RSBN1: variants seen among roughly 807,000 people sequenced by gnomAD.
The protein encoded by RSBN1 is lysine-specific demethylase 9.
In RSBN1, 23 loss-of-function variants were observed where a neutral mutation model predicts 74.8. That is an observed-to-expected ratio of 0.31 (90% CI 0.22 to 0.44). The LOEUF (loss-of-function observed/expected upper bound fraction) is 0.44. Among genes scored for constraint, RSBN1 ranks in the 20% least tolerant of loss-of-function variants. The pLI is 1.00. For synonymous variants in RSBN1, 407 were observed against 379.6 expected, an observed-to-expected ratio of 1.07 and a Z score of -0.84; for missense variants, 808 against 1,020.9, an observed-to-expected ratio of 0.79 and a Z score of 2.84.
At chr1:113,796,124 A>C (rs1660467291) in intron 2 of RSBN1, 1 of 152,146 alleles carries the variant, frequency 6.6e-6, no homozygotes. Flanking sequence ...CAAAGGGCAA[A>C]ACTTAAAAAA....
rs529360719 is a variant in RSBN1, at chr1:113,804,691, C to G, written c.704-6655G>C. Among the ~76,000 whole-genome samples, 4 of 152,288 alleles carry G rather than the reference C, an allele frequency of 2.6e-5. No homozygotes were observed. The East Asian group carries it at 7.7e-4, about 29-fold the overall frequency. On this transcript the variant is annotated intron_variant, in intron 1 of 6. Transcript: ENST00000261441. Reference sequence around the variant, plus strand: ...GTGTTTTTGCCTCTCTCAGGGTGAGCAGGGAAAAATATTAGTCCCTACAGT... The same window carrying G: ...GTGTTTTTGCCTCTCTCAGGGTGAGGAGGGAAAAATATTAGTCCCTACAGT...
intron 1 of RSBN1, among the ~76,000 whole-genome samples, chr1:113,798,602 A>G (rs1571308552): frequency 6.6e-6 from 1 of 152,300 alleles, no homozygotes; most frequent in East Asian, 1.9e-4. Flanking sequence ...AAACTGGTAC[A>G]ACTTTCTGAA....
chr1:113,811,799 C>A lies in RSBN1; in HGVS notation c.614G>T (p.Ser205Ile), dbSNP rs531126899. The A allele has an allele frequency of 3.3e-5, 54 of 1,613,796 alleles. No homozygotes were observed. In the South Asian group the frequency reaches 5.4e-4, roughly 16 times the overall value. Residue 205 changes from serine to isoleucine, a missense_variant, in exon 1 of 7, where the codon AGC (serine) becomes ATC (isoleucine). Ser to Ile is a moderately radical substitution (Grantham distance 142). Around this residue, in one of 6 missense-constraint regions of RSBN1, gnomAD observed 464 missense variants for 401.0 expected, o/e 1.16. Transcript: ENST00000261441. ...HHHRGPDGDP[S>I]SCGTDLKHKD... Reference sequence around the variant, plus strand: ...GTGCTTGAGATCGGTTCCGCAGGAGCTGGGATCACCATCGGGGCCGCGGTG... The same window carrying A: ...GTGCTTGAGATCGGTTCCGCAGGAGATGGGATCACCATCGGGGCCGCGGTG...
chr1:113,811,596 G>C (rs536429307), intron 1 of RSBN1, 114 bp downstream of exon 1: 245 of 1,432,206 alleles, frequency 1.7e-4, no homozygotes, highest in Middle Eastern at 1.1e-3. Flanking sequence ...TGAGCTTAGA[G>C]AAGTACAGCA....
intron 2 of RSBN1, among the ~76,000 whole-genome samples, chr1:113,782,256 G>A (rs1469101750): frequency 6.6e-6 from 1 of 152,090 alleles, no homozygotes; most frequent in Non-Finnish European, 1.5e-5. Flanking sequence ...CAAGCTCAAA[G>A]AACGAAAGTA....
chr1:113,812,315 G>C lies in RSBN1; in HGVS notation c.98C>G (p.Ala33Gly). 3 of 1,603,940 alleles carry C rather than the reference G, an allele frequency of 1.9e-6. No individual in the cohort carries two copies. The highest frequency in any genetic ancestry group is 2.5e-6 in the Non-Finnish European group (3 of 1,179,764). Residue 33 changes from alanine (A) to glycine (G), a missense_variant, in exon 1 of 7, where the codon GCG (alanine) becomes GGG (glycine). Physicochemically the swap from Ala to Gly is moderately conservative, Grantham distance 60. Transcript: ENST00000261441. ...AAATGGCCCGACCGCCCCCCCGTCC[G>C]CGCATCGCGCAAGCGCCGCCCGCGC... ...GSARAALARC[A>G]DGGAVGPFKC...
At chr1:113,771,248 C>G (rs1659880214) in intron 4 of RSBN1, among the ~76,000 whole-genome samples, 1 of 152,094 alleles carries the variant, frequency 6.6e-6, no homozygotes, top group South Asian at 2.1e-4. Flanking sequence ...AGAGACAACA[C>G]AACTTCTGGA....
At chr1:113,768,469 C>CA (rs1012149972) in intron 4 of RSBN1, 80 bp from the exon 5 acceptor site, 29 of 1,067,490 alleles carry the variant, frequency 2.7e-5, no homozygotes, top group Admixed American at 5.1e-5. Context: ...AGCAGTAAGG[C>CA]AAAAAAGTCT....
intron 4 of RSBN1, among the ~76,000 whole-genome samples, chr1:113,770,259 T>C (rs772884382): frequency 6.6e-6 from 1 of 152,318 alleles, no homozygotes; most frequent in East Asian, 1.9e-4. Flanking sequence ...CAAGATGTGA[T>C]GTCTAGAACT....
intron 2 of RSBN1, 151 bp downstream of exon 2, chr1:113,797,212 T>G: frequency 1.5e-6 from 1 of 666,542 alleles, no homozygotes; most frequent in Non-Finnish European, 2.5e-6. Flanking sequence ...AATTAAGATT[T>G]TTCAATTAGA....
intron 2 of RSBN1, among the ~76,000 whole-genome samples, chr1:113,789,151 CG>C (rs1558000021): frequency 2.6e-5 from 4 of 152,092 alleles, no homozygotes; most frequent in African/African-American, 9.7e-5. Flanking sequence ...GAGGGTTGGA[CG>C]GTCAGCCCTA....
intron 2 of RSBN1, among the ~76,000 whole-genome samples, chr1:113,782,985 C>CGTT (rs1317467771): frequency 2.6e-5 from 4 of 152,062 alleles, no homozygotes; most frequent in South Asian, 2.1e-4. Flanking sequence ...CAGATTATTT[C>CGTT]GTTGTTGTTG....
chr1:113,768,447 A>T, intron 4 of RSBN1, 58 bp from the exon 5 acceptor site: 4 of 1,421,424 alleles, frequency 2.8e-6, no homozygotes, highest in Non-Finnish European at 2.9e-6. Flanking sequence ...GACCAAAAAA[A>T]AATTAATTAA....
chr1:113,783,910 T>C (rs535125902), intron 2 of RSBN1, among the ~76,000 whole-genome samples: 2 of 152,316 alleles, frequency 1.3e-5, no homozygotes, highest in South Asian at 4.1e-4. Flanking sequence ...TGGTCCTCAT[T>C]GTTATGGTTT....
chr1:113,792,783 A>G (rs1017030403), intron 2 of RSBN1, among the ~76,000 whole-genome samples: 3 of 152,080 alleles, frequency 2.0e-5, no homozygotes, highest in African/African-American at 7.2e-5. Context: ...TGGGCCACAG[A>G]GCGAGACCTC....
intron 1 of RSBN1, among the ~76,000 whole-genome samples, chr1:113,809,459 A>G (rs1660785355): frequency 6.6e-6 from 1 of 152,206 alleles, no homozygotes; most frequent in African/African-American, 2.4e-5. Context: ...GACAAAAAAG[A>G]TATCAGTCAA....
chr1:113,770,963 C>A (rs1220881873), intron 4 of RSBN1, among the ~76,000 whole-genome samples: 3 of 151,774 alleles, frequency 2.0e-5, no homozygotes, highest in Non-Finnish European at 4.4e-5. Context: ...AATTACCAAA[C>A]CAATTAAGTA....
intron 1 of RSBN1, among the ~76,000 whole-genome samples, 160 bp from the exon 2 acceptor site, chr1:113,798,196 A>G (rs1660511747): frequency 6.6e-6 from 1 of 152,188 alleles, no homozygotes; most frequent in Non-Finnish European, 1.5e-5. Context: ...GATCTTAAAT[A>G]TAATAATATT....
intron 4 of RSBN1, among the ~76,000 whole-genome samples, chr1:113,772,867 G>A (rs372238087): frequency 1.3e-5 from 2 of 152,226 alleles, no homozygotes; most frequent in African/African-American, 2.4e-5. Context: ...CCTCTATACT[G>A]AAGCCAATTC....
Sources: gnomAD v4.1 joint callset for allele counts (sites outside exome capture counted in the v4.1 genomes callset) on GRCh38, gnomAD v4.1.1 for gene constraint, gnomAD v4.1.1 regional missense constraint, MANE v1.5 for transcripts, NCBI Gene and HGNC (gene_info 2026-07-23, HGNC 2026-07-21) for gene names.